Variants in PRKCA observed in about 807,000 individuals in gnomAD.
PRKCA encodes protein kinase C alpha, also known as protein kinase C alpha type.
A neutral mutation model predicts 87.0 loss-of-function variants in PRKCA; 27 were observed. The observed-to-expected ratio is 0.31, with a 90% confidence interval of 0.23 to 0.43. PRKCA has a LOEUF of 0.43. PRKCA is among the 20% of genes least tolerant of loss of function. The pLI is 1.00. For synonymous variants in PRKCA, 329 were observed against 311.1 expected (o/e 1.06, Z -0.61); for missense variants, 518 against 852.3 (o/e 0.61, Z 4.88).
intron 2 of PRKCA, among the ~76,000 whole-genome samples, chr17:66,469,400 T>C (rs1460609660): frequency 1.6e-4 from 24 of 152,124 alleles, no homozygotes; most frequent in Admixed American, 9.2e-4. Flanking sequence ...CATATGCTCA[T>C]TGGGGGAAAT....
At chr17:66,760,644 G>A (rs1301608708) in intron 13 of PRKCA, among the ~76,000 whole-genome samples, 2 of 152,138 alleles carry the variant, frequency 1.3e-5, no homozygotes, top group Non-Finnish European at 2.9e-5. Flanking sequence ...TAAGCCTCAA[G>A]TCAAATTAAG....
chr17:66,616,560 G>T (rs989136465), intron 3 of PRKCA, among the ~76,000 whole-genome samples: 2 of 152,192 alleles, frequency 1.3e-5, no homozygotes, highest in African/African-American at 2.4e-5. Context: ...AGGCACGAGG[G>T]CAAGTTCCAT....
At chr17:66,593,527 T>G (rs1969879954) in intron 3 of PRKCA, among the ~76,000 whole-genome samples, 1 of 152,174 alleles carries the variant, frequency 6.6e-6, no homozygotes, top group South Asian at 2.1e-4. Flanking sequence ...AGTCCCCAGC[T>G]GGAGGCCACA....
chr17:66,798,539 ACGG>A (rs367951590), intron 16 of PRKCA, among the ~76,000 whole-genome samples: 1 of 4,470 alleles, frequency 2.2e-4, no homozygotes, highest in Non-Finnish European at 3.3e-4. Flanking sequence ...GATGGTGGTG[ACGG>A]TGGTGGTGGT....
intron 3 of PRKCA, among the ~76,000 whole-genome samples, chr17:66,565,850 A>G (rs1308627071): frequency 6.6e-6 from 1 of 151,846 alleles, no homozygotes; most frequent in African/African-American, 2.4e-5. Flanking sequence ...TCTACCCACT[A>G]TGTATATTCA....
intron 3 of PRKCA, among the ~76,000 whole-genome samples, chr17:66,611,927 A>G (rs1050518652): frequency 6.6e-6 from 1 of 152,178 alleles, no homozygotes; most frequent in African/African-American, 2.4e-5. Context: ...AATGATGTTG[A>G]ACATGTTTTT....
At chr17:66,632,066 C>T (rs1971029781) in intron 3 of PRKCA, among the ~76,000 whole-genome samples, 3 of 152,104 alleles carry the variant, frequency 2.0e-5, no homozygotes, top group African/African-American at 7.2e-5. Flanking sequence ...GCCAACAAAG[C>T]CCCTGTGTAG....
chr17:66,775,492 G>A (rs947982126), intron 14 of PRKCA: 77 of 985,020 alleles, frequency 7.8e-5, no homozygotes, highest in African/African-American at 7.4e-4. Flanking sequence ...TGGTAATCAC[G>A]AAGCAGGCTT....
At chr17:66,359,099 G>A (rs995877058) in intron 2 of PRKCA, among the ~76,000 whole-genome samples, 24 of 151,968 alleles carry the variant, frequency 1.6e-4, no homozygotes, top group African/African-American at 4.6e-4. Context: ...AAAGTTATTT[G>A]AAAATCTAGT....
At chr17:66,336,402 CA>C (rs1196052883) in intron 2 of PRKCA, among the ~76,000 whole-genome samples, 1 of 152,154 alleles carries the variant, frequency 6.6e-6, no homozygotes, top group East Asian at 1.9e-4. Flanking sequence ...ATGTTTAAGC[CA>C]AAATCTCGTT....
At chr17:66,644,758 A>C (rs1971406606) in intron 4 of PRKCA, among the ~76,000 whole-genome samples, 1 of 152,190 alleles carries the variant, frequency 6.6e-6, no homozygotes, top group African/African-American at 2.4e-5. Context: ...TGAATTTTCT[A>C]TACTCAATCC....
At chr17:66,721,419 G>A (rs919094189) in intron 8 of PRKCA, among the ~76,000 whole-genome samples, 1 of 150,624 alleles carries the variant, frequency 6.6e-6, no homozygotes, top group East Asian at 1.9e-4. Context: ...AAAAAGAATG[G>A]CTACTCCATA....
intron 2 of PRKCA, among the ~76,000 whole-genome samples, chr17:66,468,664 C>A (rs547866591): frequency 2.6e-4 from 39 of 152,174 alleles, no homozygotes; most frequent in Non-Finnish European, 4.0e-4. Flanking sequence ...AACCAGCTAA[C>A]TATGGCAGCA....
At chr17:66,608,284 C>T (rs1308762952) in intron 3 of PRKCA, among the ~76,000 whole-genome samples, 4 of 152,092 alleles carry the variant, frequency 2.6e-5, no homozygotes, top group Admixed American at 6.6e-5. Flanking sequence ...GAGTGGAGGG[C>T]CTCACTCTGG....
intron 3 of PRKCA, among the ~76,000 whole-genome samples, chr17:66,583,716 G>A (rs1054859355): frequency 6.6e-6 from 1 of 152,048 alleles, no homozygotes; most frequent in Non-Finnish European, 1.5e-5. Context: ...CAGATGATAA[G>A]TATTTTTCTT....
chr17:66,804,780 G>A lies in PRKCA; in HGVS notation c.*743G>A, dbSNP rs74199615. ...CGTCTAAGGACGTTGCTGAACAAGCGTGTGAAATCATTTCAGATCAAGGAT... is the reference window on the plus strand; with the variant it reads ...CGTCTAAGGACGTTGCTGAACAAGCATGTGAAATCATTTCAGATCAAGGAT... On this transcript the variant is annotated 3_prime_UTR_variant, in exon 17 of 17. Coordinates refer to ENST00000413366, the MANE Select transcript of PRKCA (RefSeq NM_002737.3). 18,619 of 157,378 alleles carry A rather than the reference G, an allele frequency of 0.12. 1,367 individuals carry two copies. The highest frequency in any genetic ancestry group is 0.18 in the Admixed American group (2,808 of 15,294). 9.7% of individuals were successfully genotyped at this position (157,378 alleles called of 1,614,324 possible).
intron 2 of PRKCA, among the ~76,000 whole-genome samples, chr17:66,315,850 A>G (rs1205934750): frequency 2.0e-5 from 3 of 152,224 alleles, no homozygotes; most frequent in African/African-American, 4.8e-5. Context: ...GGCCTGATAC[A>G]TGGACCTCTG....
At chr17:66,555,294 G>A (rs1968461562) in intron 3 of PRKCA, among the ~76,000 whole-genome samples, 1 of 152,156 alleles carries the variant, frequency 6.6e-6, no homozygotes, top group Non-Finnish European at 1.5e-5. Context: ...TGTTGCGTGT[G>A]GCAGATGGAG....
rs375391616 is a variant in PRKCA, at chr17:66,804,083, C to T, written c.*46C>T. 238 of 1,575,926 alleles carry T rather than the reference C, an allele frequency of 1.5e-4. No homozygotes were observed. Among genetic ancestry groups the T allele is most frequent in the African/African-American group, 9.2e-4 (68 of 73,988 alleles). The stretch of plus-strand genomic sequence containing the variant: ...CACCTCCCCAGCCCCCAGCCCTCCC[C>T]GCAGTGGGAAGTGAATCCTTAACCC... On this transcript the variant is annotated 3_prime_UTR_variant, in exon 17 of 17. Transcript: ENST00000413366.
Sources: allele counts gnomAD v4.1 joint callset (sites outside exome capture counted in the v4.1 genomes callset), GRCh38; gene constraint gnomAD v4.1.1; transcripts MANE v1.5; gene names NCBI Gene and HGNC (gene_info 2026-07-23, HGNC 2026-07-21).